Variants in SMYD4 observed in about 807,000 individuals in gnomAD.
The protein encoded by SMYD4 is SET and MYND domain containing 4, also known as protein-lysine N-methyltransferase SMYD4.
A neutral mutation model predicts 72.8 loss-of-function variants in SMYD4; 68 were observed. That is an observed-to-expected ratio of 0.93 (90% CI 0.77 to 1.14). The LOEUF is 1.14. SMYD4 is among the 50% of genes most tolerant of loss of function. SMYD4 has a pLI of 0.00. For missense variants in SMYD4, 984 were observed against 1,003.7 expected (o/e 0.98, Z 0.27); for synonymous variants, 407 against 388.6 (o/e 1.05, Z -0.56).
chr17:1,812,342 C>T (rs954483671), intron 2 of SMYD4, among the ~76,000 whole-genome samples: 3 of 144,214 alleles, frequency 2.1e-5, no homozygotes, highest in East Asian at 2.1e-4. Context: ...GCTGGAGTGC[C>T]GTGGTGCCAT....
chr17:1,811,217 C>A (rs1404712316), intron 3 of SMYD4, among the ~76,000 whole-genome samples: 1 of 152,296 alleles, frequency 6.6e-6, no homozygotes, highest in East Asian at 1.9e-4. Flanking sequence ...CTATATGCTC[C>A]CCTAGAGGTT....
chr17:1,802,452 T>C (rs189848145), intron 4 of SMYD4, among the ~76,000 whole-genome samples: 2 of 151,370 alleles, frequency 1.3e-5, no homozygotes, highest in Non-Finnish European at 1.5e-5. Context: ...TATGATCGAG[T>C]CACTGCACTC....
chr17:1,805,304 G>C (rs555411814), intron 3 of SMYD4, among the ~76,000 whole-genome samples: 28 of 152,186 alleles, frequency 1.8e-4, no homozygotes, highest in African/African-American at 6.3e-4. Flanking sequence ...TGTAATCCCA[G>C]CTACTTGGGA....
intron 2 of SMYD4, among the ~76,000 whole-genome samples, chr17:1,817,871 C>A (rs1036577547): frequency 6.6e-6 from 1 of 151,794 alleles, no homozygotes; most frequent in African/African-American, 2.4e-5. Context: ...CATGGTGAAA[C>A]CCCGTCTCTA....
chr17:1,784,755 C>A (rs1272272145), intron 7 of SMYD4, among the ~76,000 whole-genome samples: 1 of 151,960 alleles, frequency 6.6e-6, no homozygotes, highest in East Asian at 1.9e-4. Flanking sequence ...CTTTTTGGGG[C>A]CAGGACTTTA....
Position 1,829,835 on chromosome 17 carries a change from C to A in SMYD4, c.-122G>T. 3.4e-6 allele frequency: 1 copy of A among 291,546 alleles called. No individual in the cohort carries two copies. The highest frequency in any genetic ancestry group is 6.2e-6 in the Non-Finnish European group (1 of 160,752). The allele number at this position is 291,546 out of a possible 1,614,324, so 18.1% of individuals were successfully genotyped here. ...CGCCCGCGCAGCTCCTGGCGCGCCCCTTGGCGCCCCGCTCCGCCCCGCACC... is the reference window on the plus strand; with the variant it reads ...CGCCCGCGCAGCTCCTGGCGCGCCCATTGGCGCCCCGCTCCGCCCCGCACC... On this transcript the variant is annotated 5_prime_UTR_variant, in exon 1 of 11. The change creates a new upstream start codon in the 5' untranslated region. Coordinates refer to ENST00000305513, the MANE Select transcript of SMYD4 (RefSeq NM_052928.3).
chr17:1,819,655 T>C (rs1447422370), intron 2 of SMYD4, among the ~76,000 whole-genome samples: 1 of 152,358 alleles, frequency 6.6e-6, no homozygotes, highest in African/African-American at 2.4e-5. Flanking sequence ...GGTTACAAAA[T>C]GGCGATTTTT....
At chr17:1,791,271 A>G (rs1909016987) in intron 5 of SMYD4, among the ~76,000 whole-genome samples, 1 of 152,144 alleles carries the variant, frequency 6.6e-6, no homozygotes, top group Admixed American at 6.6e-5. Context: ...ATTCCCACTG[A>G]GACAGAACCA....
chr17:1,807,331 T>TC (rs915719468), intron 3 of SMYD4, among the ~76,000 whole-genome samples: 2 of 148,082 alleles, frequency 1.4e-5, no homozygotes, highest in African/African-American at 4.9e-5. Flanking sequence ...TGAGGATGCT[T>TC]TTTTTTTTTT....
intron 7 of SMYD4, 129 bp from the exon 8 acceptor site, chr17:1,784,590 G>A (rs866701527): frequency 1.5e-5 from 22 of 1,480,886 alleles, no homozygotes; most frequent in East Asian, 2.3e-5. Flanking sequence ...ACAATACATC[G>A]TGACGAAAGT....
chr17:1,796,513 T>C (rs1215653402), intron 5 of SMYD4, among the ~76,000 whole-genome samples: 1 of 151,602 alleles, frequency 6.6e-6, no homozygotes, highest in Non-Finnish European at 1.5e-5. Flanking sequence ...CTCGGCTCAC[T>C]GTAACCCCCA....
At position 1,801,032 on chromosome 17, in the gene SMYD4, C is replaced by T; in HGVS notation, c.370-8G>A. On this transcript the variant is annotated splice_polypyrimidine_tract_variant and splice_region_variant and intron_variant, in intron 4 of 10. Coordinates refer to ENST00000305513, the MANE Select transcript of SMYD4 (RefSeq NM_052928.3). ...AATGTCTTTAAGACACGTCTGAAAA[C>T]AGAAAGAAAATCCCACAATGACCCT... 1.9e-6 allele frequency: 3 copies of T among 1,583,194 alleles called. No homozygotes were observed. The highest frequency in any genetic ancestry group is 2.6e-6 in the Non-Finnish European group (3 of 1,159,308).
intron 2 of SMYD4, among the ~76,000 whole-genome samples, chr17:1,823,212 T>C (rs939247749): frequency 6.3e-5 from 3 of 47,464 alleles, no homozygotes; most frequent in Non-Finnish European, 1.6e-4. Context: ...CTACTAAAAA[T>C]ACAAAAAAAA....
In SMYD4 at chr17:1,783,531, T is replaced by C. The variant is rs374367763; in HGVS notation, c.2021-55A>G. 540 of 1,550,982 alleles carry C rather than the reference T, an allele frequency of 3.5e-4. 1 individual carries two copies. In the African/African-American group the frequency reaches 6.7e-3, roughly 19 times the overall value. Reference sequence around the variant, plus strand: ...ATAGACAGAAGCCCAGTCCTAGGAATGAGAATCCAGGTCTCAAATCCTCTG... The same window carrying C: ...ATAGACAGAAGCCCAGTCCTAGGAACGAGAATCCAGGTCTCAAATCCTCTG... On this transcript the variant is annotated intron_variant, in intron 8 of 10. Transcript: ENST00000305513.
At chr17:1,790,983 C>T (rs903523455) in intron 5 of SMYD4, among the ~76,000 whole-genome samples, 7 of 151,136 alleles carry the variant, frequency 4.6e-5, no homozygotes, top group Admixed American at 2.0e-4. Flanking sequence ...AAAAATTAGC[C>T]GGGCATGGTG....
intron 5 of SMYD4, among the ~76,000 whole-genome samples, chr17:1,798,336 C>T (rs1339003366): frequency 6.6e-6 from 1 of 151,990 alleles, no homozygotes; most frequent in Admixed American, 6.6e-5. Flanking sequence ...CTCTTGAGCT[C>T]AAGTAAGTGA....
intron 5 of SMYD4, among the ~76,000 whole-genome samples, chr17:1,789,248 C>G (rs1161092335): frequency 2.0e-5 from 3 of 152,012 alleles, no homozygotes; most frequent in African/African-American, 7.3e-5. Context: ...ATTAGCTGGG[C>G]ATGGTGGCAT....
At chr17:1,788,737 C>T (rs1027521761) in intron 5 of SMYD4, among the ~76,000 whole-genome samples, 13 of 151,132 alleles carry the variant, frequency 8.6e-5, no homozygotes, top group South Asian at 4.2e-4. Context: ...AGTGAGACCC[C>T]GCCTCCAAAA....
Position 1,800,500 on chromosome 17 carries a change from T to C in SMYD4, c.894A>G (p.Arg298=), listed in dbSNP as rs1048392208. Residue 298 remains arginine, a synonymous_variant, in exon 5 of 11, where the codon CGA becomes CGG. Transcript: ENST00000305513. Reference sequence around the variant, plus strand: ...CTGTGGCCAAAGTGTGCTTCAAACATCGGTGACAATAGAGGTCCCCATTGG... The same window carrying C: ...CTGTGGCCAAAGTGTGCTTCAAACACCGGTGACAATAGAGGTCCCCATTGG... ...RVTNGDLYCH[R]CLKHTLATVP... The C allele has an allele frequency of 6.2e-7, 1 of 1,614,160 alleles. No individual in the cohort carries two copies. Among genetic ancestry groups the C allele is most frequent in the African/African-American group, 1.3e-5 (1 of 75,046 alleles).
Sources: gnomAD v4.1 joint callset for allele counts (sites outside exome capture counted in the v4.1 genomes callset) on GRCh38, gnomAD v4.1.1 for gene constraint, MANE v1.5 for transcripts, NCBI Gene and HGNC (gene_info 2026-07-23, HGNC 2026-07-21) for gene names.